The following SNX13 variants were observed in gnomAD, a reference collection of about 807,000 sequenced individuals.
SNX13 encodes sorting nexin-13.
In SNX13, 45 loss-of-function variants were observed where a neutral mutation model predicts 133.6. That is an observed-to-expected ratio of 0.34 (90% confidence interval 0.27 to 0.43). SNX13 has a LOEUF of 0.43. SNX13 is among the 20% of genes least tolerant of loss of function. The pLI, the probability that SNX13 is intolerant of heterozygous loss-of-function variation, is 1.00. For synonymous variants in SNX13, 414 were observed against 373.9 expected, an observed-to-expected ratio of 1.11 and a Z score of -1.24; for missense variants, 1,032 against 1,145.1, an observed-to-expected ratio of 0.90 and a Z score of 1.43.
chr7:17,914,980 T>G (rs1799383630), intron 1 of SNX13, among the ~76,000 whole-genome samples: 1 of 152,114 alleles, frequency 6.6e-6, no homozygotes, highest in East Asian at 1.9e-4. Context: ...GAGACTCATC[T>G]CACATGTAAT....
chr7:17,823,449 AATAAC>A (rs1418974821), intron 17 of SNX13, among the ~76,000 whole-genome samples: 1 of 152,234 alleles, frequency 6.6e-6, no homozygotes, highest in Non-Finnish European at 1.5e-5. Context: ...TTGGTAAATT[AATAAC>A]ATAAAAGTTA....
At chr7:17,817,932 C>T (rs1242361098) in intron 18 of SNX13, among the ~76,000 whole-genome samples, 1 of 152,070 alleles carries the variant, frequency 6.6e-6, no homozygotes, top group Non-Finnish European at 1.5e-5. Flanking sequence ...CATTCAGTGC[C>T]GCAGACGGTG....
chr7:17,818,301 A>T (rs1464524270), intron 18 of SNX13, among the ~76,000 whole-genome samples: 6 of 152,228 alleles, frequency 3.9e-5, no homozygotes, highest in Non-Finnish European at 8.8e-5. Flanking sequence ...GACACTATCC[A>T]TTAAAACAAC....
chr7:17,805,264 C>CGCAT (rs1272514317), intron 20 of SNX13, among the ~76,000 whole-genome samples: 1 of 122,340 alleles, frequency 8.2e-6, no homozygotes, highest in Non-Finnish European at 1.7e-5. Context: ...TGCGCGCGCG[C>CGCAT]GCATGCATGC....
At position 17,905,950 on chromosome 7, in the gene SNX13, C is replaced by T. The variant is rs144744618; in HGVS notation, c.13-8504G>A. On this transcript the variant is annotated intron_variant, in intron 1 of 25. Coordinates refer to ENST00000428135, the MANE Select transcript of SNX13 (RefSeq NM_015132.5). ...CCTCCTGAGTAGCTGGGACTACCAG[C>T]ATATACCACTTTACCTTGCTCTGGC... 4.9e-3 allele frequency among the ~76,000 whole-genome samples: 750 copies of T among 152,236 alleles called. 5 individuals are homozygous for T. Among genetic ancestry groups the T allele is most frequent in the African/African-American group, 0.017 (722 of 41,534 alleles).
At chr7:17,935,999 T>C (rs1470909882) in intron 1 of SNX13, among the ~76,000 whole-genome samples, 1 of 152,190 alleles carries the variant, frequency 6.6e-6, no homozygotes, top group Non-Finnish European at 1.5e-5. Context: ...ATGATGTATG[T>C]GCATGTGTGT....
chr7:17,904,161 T>C (rs1798144341), intron 1 of SNX13, among the ~76,000 whole-genome samples: 1 of 152,352 alleles, frequency 6.6e-6, no homozygotes, highest in Non-Finnish European at 1.5e-5. Flanking sequence ...CATTTGATCC[T>C]AAAAAGATAT....
At chr7:17,800,327 A>G (rs1237328349) in intron 22 of SNX13, among the ~76,000 whole-genome samples, 7 of 149,798 alleles carry the variant, frequency 4.7e-5, no homozygotes, top group Non-Finnish European at 1.0e-4. Flanking sequence ...AAAGGAGATA[A>G]TTACAACTTA....
At chr7:17,850,562 C>T (rs1333633379) in intron 10 of SNX13, 127 bp from the exon 11 acceptor site, 5 of 648,968 alleles carry the variant, frequency 7.7e-6, no homozygotes, top group South Asian at 2.7e-5. Flanking sequence ...TAAAAGAAAC[C>T]ATCTGAAATT....
Position 17,827,686 on chromosome 7 carries a change from C to T in SNX13, c.1636-1595G>A, listed in dbSNP as rs182484824. Among the ~76,000 whole-genome samples the T allele has an allele frequency of 3.6e-4, 55 of 151,864 alleles. No individual in the cohort carries two copies. In the South Asian group the frequency reaches 3.7e-3, roughly 10 times the overall value. ...ACTTTAACCATATCAACTACTTTCT[C>T]GGATTTCAGTTTTCCCAATGGTAAA... On this transcript the variant is annotated intron_variant, in intron 16 of 25. Transcript: ENST00000428135.
At chr7:17,863,455 G>A (rs1792989475) in intron 9 of SNX13, among the ~76,000 whole-genome samples, 2 of 152,186 alleles carry the variant, frequency 1.3e-5, no homozygotes, top group African/African-American at 2.4e-5. Flanking sequence ...ACAGAGGGCT[G>A]TGTCTTAAAA....
intron 1 of SNX13, among the ~76,000 whole-genome samples, chr7:17,907,896 G>A (rs2128014098): frequency 6.6e-6 from 1 of 152,200 alleles, no homozygotes; most frequent in South Asian, 2.1e-4. Context: ...CAATCCTTGA[G>A]TTTTCTAGTC....
In SNX13 at chr7:17,850,869, T is replaced by C. The variant is rs181641598; in HGVS notation, c.933A>G (p.Ala311=). The part of the protein sequence containing the change: ...GELEAVRDKA[A]EELQYLRSLD... Reference sequence around the variant, plus strand: ...GAGATCTAAGATACTGTAATTCTTCTGCTGCCTTATCTCTGACTGCTTCTA... The same window carrying C: ...GAGATCTAAGATACTGTAATTCTTCCGCTGCCTTATCTCTGACTGCTTCTA... Residue 311 remains alanine (A), a synonymous_variant, in exon 10 of 26, where the codon GCA becomes GCG. Transcript: ENST00000428135. 7.2e-4 allele frequency: 1,160 copies of C among 1,611,866 alleles called. 8 individuals are homozygous for C. In the African/African-American group the frequency reaches 0.014, roughly 19 times the overall value.
intron 13 of SNX13, among the ~76,000 whole-genome samples, 195 bp from the exon 14 acceptor site, chr7:17,835,060 T>C (rs1788981053): frequency 2.0e-5 from 3 of 152,026 alleles, no homozygotes; most frequent in Middle Eastern, 3.4e-3. Flanking sequence ...CTCTTCCTCA[T>C]AGCAGGCTGG....
At chr7:17,839,206 T>G (rs904124610) in intron 13 of SNX13, among the ~76,000 whole-genome samples, 1 of 149,414 alleles carries the variant, frequency 6.7e-6, no homozygotes, top group Non-Finnish European at 1.5e-5. Flanking sequence ...TATAGAATTA[T>G]AGTGTATTAC....
intron 5 of SNX13, among the ~76,000 whole-genome samples, chr7:17,883,670 T>C (rs1795629928): frequency 6.6e-6 from 1 of 152,140 alleles, no homozygotes; most frequent in South Asian, 2.1e-4. Flanking sequence ...CATCAACCTG[T>C]CACCTACATT....
chr7:17,801,565 T>C, intron 22 of SNX13, 23 bp downstream of exon 22: 2 of 1,581,868 alleles, frequency 1.3e-6, no homozygotes, highest in East Asian at 2.3e-5. Context: ...AACTAAATAC[T>C]ACCAAGAATA....
intron 18 of SNX13, among the ~76,000 whole-genome samples, chr7:17,817,959 A>C (rs1786851453): frequency 6.6e-6 from 1 of 152,152 alleles, no homozygotes; most frequent in Non-Finnish European, 1.5e-5. Flanking sequence ...TTGAGAGATA[A>C]AGCCCCTAAA....
chr7:17,839,187 T>TATATATTCTATAGAATTATAGTGTATTAC (rs1789558935), intron 13 of SNX13, among the ~76,000 whole-genome samples: 4 of 149,326 alleles, frequency 2.7e-5, no homozygotes, highest in South Asian at 2.1e-4. Flanking sequence ...CTATAGATTA[T>TATATATTCTATAGAATTATAGTGTATTAC]ATATATTCTA....
Sources: allele counts gnomAD v4.1 joint callset (sites outside exome capture counted in the v4.1 genomes callset), GRCh38; gene constraint gnomAD v4.1.1; transcripts MANE v1.5; gene names NCBI Gene and HGNC (gene_info 2026-07-23, HGNC 2026-07-21).